UBL7: variants seen among roughly 807,000 people sequenced by gnomAD.
UBL7 encodes ubiquitin like 7.
In UBL7, 21 loss-of-function variants were observed where a neutral mutation model predicts 41.7. That is an observed-to-expected ratio of 0.50 (90% confidence interval 0.36 to 0.73). The LOEUF (loss-of-function observed/expected upper bound fraction) is 0.73. Among genes scored for constraint, UBL7 ranks in the 30% least tolerant of loss-of-function variants. The probability of loss-of-function intolerance (pLI) is 0.00; values close to 1 mark genes in which losing one functional copy is unlikely to be tolerated. For synonymous variants in UBL7, 157 were observed against 186.9 expected (o/e 0.84, Z 1.31); for missense variants, 403 against 478.4 (o/e 0.84, Z 1.47).
intron 3 of UBL7, among the ~76,000 whole-genome samples, chr15:74,456,128 GA>G (rs553827153): frequency 0.28 from 25,915 of 93,504 alleles, 3,469 homozygotes; most frequent in East Asian, 0.56. Flanking sequence ...CTCCGTCTCA[GA>G]AAAAAAAAAA....
At chr15:74,450,704 T>C (rs1596214008) in intron 6 of UBL7, 98 bp downstream of exon 6, 1 of 1,337,510 alleles carries the variant, frequency 7.5e-7, no homozygotes, top group Non-Finnish European at 1.1e-6. Context: ...TGACAGACTA[T>C]GGATGGGCTC....
chr15:74,447,524 G>A (rs796824860), intron 10 of UBL7, among the ~76,000 whole-genome samples: 2 of 151,690 alleles, frequency 1.3e-5, no homozygotes, highest in African/African-American at 4.8e-5. Context: ...GCAACATAGG[G>A]AGACCCCCCC....
chr15:74,449,514 T>A, intron 8 of UBL7, 112 bp downstream of exon 8: 1 of 1,570,080 alleles, frequency 6.4e-7, no homozygotes, highest in South Asian at 1.1e-5. Context: ...GGCCCCCCAA[T>A]GGCGTATGTC....
At chr15:74,457,411 C>T (rs1341677252) in intron 2 of UBL7, among the ~76,000 whole-genome samples, 1 of 152,100 alleles carries the variant, frequency 6.6e-6, no homozygotes, top group Admixed American at 6.5e-5. Context: ...GGCATGGTGG[C>T]AGACGCCTGT....
intron 1 of UBL7, among the ~76,000 whole-genome samples, chr15:74,459,686 C>T (rs2061329575): frequency 6.6e-6 from 1 of 151,852 alleles, no homozygotes. Flanking sequence ...CAATGTCGGG[C>T]TGGGCGCGGT....
chr15:74,457,036 T>C (rs1273890461), intron 2 of UBL7, among the ~76,000 whole-genome samples: 1 of 152,190 alleles, frequency 6.6e-6, no homozygotes, highest in African/African-American at 2.4e-5. Flanking sequence ...GTCTCTTAAC[T>C]CCTGGGCTCA....
intron 3 of UBL7, 78 bp from the exon 4 acceptor site, chr15:74,452,456 A>C (rs748782374): frequency 1.1e-5 from 15 of 1,422,262 alleles, no homozygotes; most frequent in Non-Finnish European, 1.3e-5. Flanking sequence ...TCATTTCAGC[A>C]TGTGCCAAGG....
intron 1 of UBL7, 182 bp downstream of exon 1, chr15:74,460,855 C>A: frequency 8.3e-7 from 1 of 1,198,894 alleles, no homozygotes; most frequent in Non-Finnish European, 1.1e-6. Flanking sequence ...TCTTCCACCT[C>A]AAGTTTATGC....
Position 74,449,644 on chromosome 15 carries a change from A to T in UBL7, c.696T>A (p.Asp232Glu). The T allele has an allele frequency of 1.2e-6, 2 of 1,614,132 alleles. No homozygotes were observed. The highest frequency in any genetic ancestry group is 1.7e-6 in the Non-Finnish European group (2 of 1,180,028). ...CACTTACTGGGTGAAAGTCATCCTC[A>T]TCATCTGAGAGCCCTTCAAACAGGA... ...GGFLFEGLSDDEDDFHPNTRS... is the reference protein window; with the variant it reads ...GGFLFEGLSDEEDDFHPNTRS... Residue 232 changes from aspartate (D) to glutamate (E), a missense_variant, in exon 8 of 11, where the codon GAT becomes GAA. Asp to Glu is a conservative substitution (Grantham distance 45). Coordinates refer to ENST00000395081, the MANE Select transcript of UBL7 (RefSeq NM_032907.5).
intron 8 of UBL7, 103 bp from the exon 9 acceptor site, chr15:74,449,456 C>G: frequency 6.5e-7 from 1 of 1,544,640 alleles, no homozygotes; most frequent in South Asian, 1.2e-5. Context: ...TCTTAAGTTC[C>G]CAGGTTCAGA....
intron 6 of UBL7, 93 bp downstream of exon 6, chr15:74,450,709 G>A: frequency 7.3e-7 from 1 of 1,373,840 alleles, no homozygotes; most frequent in Non-Finnish European, 1.0e-6. Context: ...GACTATGGAT[G>A]GGCTCCCAGA....
Position 74,449,496 on chromosome 15 carries a change from A to T in UBL7, c.714+130T>A, listed in dbSNP as rs886284571. 6.2e-5 allele frequency: 96 copies of T among 1,550,130 alleles called. 1 individual carries two copies. The highest frequency in any genetic ancestry group is 3.6e-4 in the Middle Eastern group (2 of 5,542). On this transcript the variant is annotated intron_variant, in intron 8 of 10. Coordinates refer to ENST00000395081, the MANE Select transcript of UBL7 (RefSeq NM_032907.5). ...AATCCAAAAGCAGAAATAGTATGACATGGTCTTGGCCCCCCAATGGCGTAT... is the reference window on the plus strand; with the variant it reads ...AATCCAAAAGCAGAAATAGTATGACTTGGTCTTGGCCCCCCAATGGCGTAT...
rs972758392 is a variant in UBL7 at position 74,446,540 on chromosome 15, A to T, written c.1006-313T>A. Among the ~76,000 whole-genome samples, 1 of 152,366 alleles carries T rather than the reference A, an allele frequency of 6.6e-6. No homozygotes were observed. Among genetic ancestry groups the T allele is most frequent in the South Asian group, 2.1e-4 (1 of 4,832 alleles). On this transcript the variant is annotated intron_variant, in intron 10 of 10. Coordinates refer to ENST00000395081, the MANE Select transcript of UBL7 (RefSeq NM_032907.5). This position sits in a 1 kb window ranked among gnomAD's most constrained non-coding sequence, Gnocchi z 4.1. The stretch of plus-strand genomic sequence containing the variant: ...TTTCTCTTGCTATGTGTACACACAC[A>T]ACAGCAAGATTTTGCTCTTTATGTG...
intron 4 of UBL7, 105 bp from the exon 5 acceptor site, chr15:74,451,625 C>T: frequency 3.8e-6 from 3 of 780,146 alleles, no homozygotes; most frequent in East Asian, 2.5e-5. Flanking sequence ...CTTGCATGTA[C>T]ATCACCACAA....
chr15:74,455,803 A>G (rs1017178914), intron 3 of UBL7, among the ~76,000 whole-genome samples: 2 of 152,242 alleles, frequency 1.3e-5, no homozygotes, highest in Admixed American at 6.5e-5. Flanking sequence ...GTTGACCAAC[A>G]TGGAGACACC....
chr15:74,458,469 G>A (rs1484687803), intron 2 of UBL7, among the ~76,000 whole-genome samples: 1 of 152,148 alleles, frequency 6.6e-6, no homozygotes, highest in East Asian at 1.9e-4. Flanking sequence ...AAAGAACCTG[G>A]TGATAAGGTA....
intron 10 of UBL7, among the ~76,000 whole-genome samples, chr15:74,447,768 T>C (rs2061198599): frequency 6.6e-6 from 1 of 152,094 alleles, no homozygotes; most frequent in East Asian, 1.9e-4. Flanking sequence ...CATCAAGTCA[T>C]CAAGTCTAAT....
chr15:74,455,532 T>C (rs2061285725), intron 3 of UBL7, among the ~76,000 whole-genome samples: 1 of 152,210 alleles, frequency 6.6e-6, no homozygotes, highest in Non-Finnish European at 1.5e-5. Flanking sequence ...GGGAATAAAC[T>C]GCAGCATTAG....
intron 1 of UBL7, 74 bp downstream of exon 1, chr15:74,460,963 C>G: frequency 8.8e-7 from 1 of 1,134,946 alleles, no homozygotes; most frequent in Non-Finnish European, 1.1e-6. Flanking sequence ...GGAAGCAAGA[C>G]TCAGTAAAAT....
Sources: gnomAD v4.1 joint callset for allele counts (sites outside exome capture counted in the v4.1 genomes callset) on GRCh38, gnomAD v4.1.1 for gene constraint, Gnocchi (gnomAD v3.1) non-coding constraint, MANE v1.5 for transcripts, NCBI Gene and HGNC (gene_info 2026-07-23, HGNC 2026-07-21) for gene names.